Variants in UBTD1 observed in about 807,000 individuals in gnomAD.
UBTD1 encodes ubiquitin domain containing 1.
Under a neutral mutation model 21.7 loss-of-function variants are expected in UBTD1, and 19 were observed. The observed-to-expected ratio is 0.87, with a 90% CI of 0.61 to 1.28. The LOEUF is 1.28. Ranked by LOEUF, UBTD1 falls within the 50% of genes most tolerant of loss-of-function variation. The probability of loss-of-function intolerance (pLI) is 0.00; values close to 1 mark genes in which losing one functional copy is unlikely to be tolerated. For synonymous variants in UBTD1, 116 were observed against 135.1 expected, an observed-to-expected ratio of 0.86 and a Z score of 0.98; for missense variants, 282 against 315.1, an observed-to-expected ratio of 0.89 and a Z score of 0.80.
chr10:97,565,016 A>ATGATTATGTAATGAT (rs2135688843), intron 1 of UBTD1, among the ~76,000 whole-genome samples: 2 of 152,286 alleles, frequency 1.3e-5, no homozygotes, highest in African/African-American at 4.8e-5. Context: ...TTTCCACACA[A>ATGATTATGTAATGAT]ACCAATGTAT....
At position 97,541,153 on chromosome 10, in the gene UBTD1, G is replaced by A. The variant is rs117629141; in HGVS notation, c.71-26761G>A. On this transcript the variant is annotated intron_variant, in intron 1 of 2. Coordinates refer to ENST00000370664, the MANE Select transcript of UBTD1 (RefSeq NM_024954.5). The stretch of plus-strand genomic sequence containing the variant: ...GTAGTCATATTTGTCACACAGGGTC[G>A]TTACAAGGATTAAGTGAAATGAAGC... Among the ~76,000 whole-genome samples the A allele has an allele frequency of 9.1e-3, 1,379 of 152,202 alleles. 31 individuals carry two copies. Among genetic ancestry groups the A allele is most frequent in the East Asian group, 0.077 (401 of 5,178 alleles).
chr10:97,499,697 C>T (rs952967879), intron 1 of UBTD1, among the ~76,000 whole-genome samples: 1 of 152,222 alleles, frequency 6.6e-6, no homozygotes, highest in Admixed American at 6.5e-5. Context: ...ACAGTCGCTC[C>T]TTCCAAAGAC....
At chr10:97,560,286 G>A (rs966201766) in intron 1 of UBTD1, among the ~76,000 whole-genome samples, 1 of 151,780 alleles carries the variant, frequency 6.6e-6, no homozygotes, top group Non-Finnish European at 1.5e-5. Context: ...ACTGTCTAAG[G>A]CCACAAGATT....
chr10:97,551,544 C>T (rs1169540240), intron 1 of UBTD1, among the ~76,000 whole-genome samples: 1 of 152,174 alleles, frequency 6.6e-6, no homozygotes, highest in Non-Finnish European at 1.5e-5. Context: ...TGTCTTTGAC[C>T]TGAAGCTTAT....
chr10:97,547,995 C>T (rs748321650), intron 1 of UBTD1, among the ~76,000 whole-genome samples: 11 of 152,130 alleles, frequency 7.2e-5, no homozygotes, highest in Non-Finnish European at 1.0e-4. Context: ...CTTTTCAGCA[C>T]TGGGCAGAGT....
intron 1 of UBTD1, among the ~76,000 whole-genome samples, chr10:97,513,590 T>G (rs2040431283): frequency 6.6e-6 from 1 of 152,218 alleles, no homozygotes; most frequent in South Asian, 2.1e-4. Context: ...CAGTACAGTC[T>G]TCTTTATTGT....
intron 1 of UBTD1, among the ~76,000 whole-genome samples, chr10:97,561,700 G>A (rs2040693542): frequency 6.6e-6 from 1 of 152,190 alleles, no homozygotes; most frequent in South Asian, 2.1e-4. Context: ...TTTGGGCCTG[G>A]CGCCGGGCTG....
intron 1 of UBTD1, among the ~76,000 whole-genome samples, chr10:97,563,648 T>A (rs1293695422): frequency 6.6e-6 from 1 of 152,072 alleles, no homozygotes; most frequent in African/African-American, 2.4e-5. Context: ...AGTGGCGGAT[T>A]AGGGGTAGTA....
At chr10:97,535,382 A>G (rs2135672025) in intron 1 of UBTD1, among the ~76,000 whole-genome samples, 1 of 152,312 alleles carries the variant, frequency 6.6e-6, no homozygotes, top group East Asian at 1.9e-4. Flanking sequence ...TTGGGAGGCC[A>G]AGGCGGGCAG....
rs1351139273 is a variant in UBTD1, at chr10:97,570,305, TC to T, written c.468del (p.Thr157ArgfsTer5). 5.6e-6 allele frequency: 9 copies of T among 1,613,068 alleles called. No homozygotes were observed. ...RREFPLKVRL[S>X]TGKDVRLSAS... The stretch of plus-strand genomic sequence containing the variant: ...TGAGTTCCCGCTGAAGGTGCGCCTG[TC>T]CACGGGCAAGGACGTGAGGCTCAGC... On this transcript the variant is annotated frameshift_variant, in exon 3 of 3. Transcript: ENST00000370664. LOFTEE classifies it high-confidence loss of function. This position sits in a 1 kb window ranked among gnomAD's most constrained non-coding sequence, Gnocchi z 6.6.
intron 1 of UBTD1, among the ~76,000 whole-genome samples, chr10:97,549,040 A>G (rs554033121): frequency 6.6e-6 from 1 of 152,322 alleles, no homozygotes; most frequent in African/African-American, 2.4e-5. Flanking sequence ...TGTACGTTGT[A>G]TGCAGCACCA....
chr10:97,557,594 C>T (rs1230325184), intron 1 of UBTD1, among the ~76,000 whole-genome samples: 1 of 151,922 alleles, frequency 6.6e-6, no homozygotes, highest in East Asian at 1.9e-4. Context: ...TTTAGAGAAC[C>T]GCATCCTATT....
chr10:97,568,288 G>C lies in UBTD1; in HGVS notation c.298+147G>C, dbSNP rs78588514. On this transcript the variant is annotated intron_variant, in intron 2 of 2. Coordinates refer to ENST00000370664, the MANE Select transcript of UBTD1 (RefSeq NM_024954.5). Reference sequence around the variant, plus strand: ...GCACCCCTTACTGAGCATGGACCAGGAGTGGGTACACAAAGAAAAAGAGAC... The same window carrying C: ...GCACCCCTTACTGAGCATGGACCAGCAGTGGGTACACAAAGAAAAAGAGAC... The C allele has an allele frequency of 4.7e-3, 3,659 of 777,116 alleles. 104 individuals carry two copies. In the African/African-American group the frequency reaches 0.059, roughly 12 times the overall value. The allele number at this position is 777,116 out of a possible 1,614,324, so 48.1% of individuals were successfully genotyped here. A position where few individuals can be genotyped will look rare whatever the true frequency, so the allele number is the denominator to read the frequency against.
intron 1 of UBTD1, among the ~76,000 whole-genome samples, chr10:97,543,447 G>A (rs2135676106): frequency 6.6e-6 from 1 of 152,382 alleles, no homozygotes; most frequent in African/African-American, 2.4e-5. Context: ...AGGAGCGGGT[G>A]AGCCTTGAAA....
At chr10:97,569,082 C>A (rs940191707) in intron 2 of UBTD1, among the ~76,000 whole-genome samples, 10 of 152,168 alleles carry the variant, frequency 6.6e-5, no homozygotes, top group Admixed American at 3.3e-4. Flanking sequence ...CTTGGCCTCC[C>A]GAAGTGCTGG....
chr10:97,564,080 G>A (rs1027187151), intron 1 of UBTD1, among the ~76,000 whole-genome samples: 7 of 152,050 alleles, frequency 4.6e-5, no homozygotes, highest in Non-Finnish European at 5.9e-5. Context: ...AGTAGGGTCC[G>A]GTCCATCGAG....
chr10:97,503,936 G>A (rs920298008), intron 1 of UBTD1, among the ~76,000 whole-genome samples: 7 of 152,074 alleles, frequency 4.6e-5, no homozygotes, highest in Non-Finnish European at 8.8e-5. Flanking sequence ...CACACCTGCT[G>A]TCTAAAAGGC....
chr10:97,501,580 G>A (rs2040376656), intron 1 of UBTD1, among the ~76,000 whole-genome samples: 1 of 152,140 alleles, frequency 6.6e-6, no homozygotes, highest in East Asian at 1.9e-4. Context: ...GTGACAGAGC[G>A]AGACTCTGTC....
chr10:97,570,687 TC>T lies in UBTD1; in HGVS notation c.*167del. 5 of 835,962 alleles carry T rather than the reference TC, an allele frequency of 6.0e-6. No individual in the cohort carries two copies. The highest frequency in any genetic ancestry group is 9.1e-6 in the Non-Finnish European group (5 of 549,106). 51.8% of individuals were successfully genotyped at this position (835,962 alleles called of 1,614,324 possible). On this transcript the variant is annotated 3_prime_UTR_variant, in exon 3 of 3. Transcript: ENST00000370664. The surrounding 1 kb of genome is among the most constrained non-coding windows in gnomAD (Gnocchi z 6.6). Reference sequence around the variant, plus strand: ...TTTCAGGGCACTACGCGCCACCAGTTCCCGGTACCCAGGGAGCAGGCAGCCA... The same window carrying T: ...TTTCAGGGCACTACGCGCCACCAGTTCCGGTACCCAGGGAGCAGGCAGCCA...
Sources: gnomAD v4.1 joint callset for allele counts (sites outside exome capture counted in the v4.1 genomes callset) on GRCh38, gnomAD v4.1.1 for gene constraint, Gnocchi (gnomAD v3.1) non-coding constraint, MANE v1.5 for transcripts, NCBI Gene and HGNC (gene_info 2026-07-23, HGNC 2026-07-21) for gene names.